The following EXT1 variants were observed in gnomAD, a reference collection of about 807,000 sequenced individuals.
The protein encoded by EXT1 is exostosin-1.
A neutral mutation model predicts 82.5 loss-of-function variants in EXT1; 20 were observed. The ratio of observed to expected loss-of-function variants is 0.24; its 90% CI spans 0.17 to 0.35. EXT1 has a LOEUF of 0.35. Ranked by LOEUF, EXT1 falls within the 10% of genes least tolerant of loss-of-function variation. EXT1 has a pLI of 1.00. For missense variants in EXT1, 757 were observed against 936.5 expected (o/e 0.81, Z 2.50); for synonymous variants, 348 against 350.8 (o/e 0.99, Z 0.09).
chr8:118,036,247 C>T (rs1816417198), intron 1 of EXT1, among the ~76,000 whole-genome samples: 1 of 152,116 alleles, frequency 6.6e-6, no homozygotes, highest in African/African-American at 2.4e-5. Context: ...CCACCGTATT[C>T]CTACATGCTT....
At chr8:117,888,759 C>CAT (rs1813193184) in intron 1 of EXT1, among the ~76,000 whole-genome samples, 1 of 152,190 alleles carries the variant, frequency 6.6e-6, no homozygotes, top group Admixed American at 6.5e-5. Flanking sequence ...ATTTGCCTTC[C>CAT]ATATCATCTC....
intron 1 of EXT1, among the ~76,000 whole-genome samples, chr8:117,957,206 T>G (rs1244856359): frequency 1.3e-5 from 2 of 152,210 alleles, no homozygotes; most frequent in Non-Finnish European, 2.9e-5. Context: ...GAAGATCTCA[T>G]GTGTGTGTTT....
chr8:117,803,416 C>A (rs189869817), intron 10 of EXT1, among the ~76,000 whole-genome samples: 1 of 152,188 alleles, frequency 6.6e-6, no homozygotes, highest in Admixed American at 6.5e-5. Context: ...AGGCTGGTCT[C>A]AAACTCCTGG....
intron 1 of EXT1, among the ~76,000 whole-genome samples, chr8:118,061,827 T>G (rs1194460225): frequency 6.6e-6 from 1 of 152,214 alleles, no homozygotes; most frequent in Non-Finnish European, 1.5e-5. Context: ...TTGCAAAAGA[T>G]TTGTAGATCA....
chr8:117,897,591 CTTT>C (rs34963536), intron 1 of EXT1, among the ~76,000 whole-genome samples: 6 of 90,690 alleles, frequency 6.6e-5, no homozygotes, highest in African/African-American at 8.7e-5. Flanking sequence ...CTTCTTTTCT[CTTT>C]TTTTTTTTTT....
At chr8:117,846,450 T>C (rs934460075) in intron 1 of EXT1, among the ~76,000 whole-genome samples, 3 of 152,194 alleles carry the variant, frequency 2.0e-5, no homozygotes, top group African/African-American at 7.2e-5. Flanking sequence ...TCCAAAACTC[T>C]TCTCAGAGAA....
chr8:117,984,231 G>A (rs1003246371), intron 1 of EXT1, among the ~76,000 whole-genome samples: 4 of 152,024 alleles, frequency 2.6e-5, no homozygotes, highest in South Asian at 2.1e-4. Context: ...CCAGCCTGGC[G>A]AATATGGCAA....
intron 1 of EXT1, among the ~76,000 whole-genome samples, chr8:117,990,429 C>T (rs1197416050): frequency 1.3e-5 from 2 of 152,220 alleles, no homozygotes; most frequent in African/African-American, 4.8e-5. Flanking sequence ...GAAAAGCCAA[C>T]TCAGCTGAAG....
chr8:118,012,766 C>T (rs1815928048), intron 1 of EXT1, among the ~76,000 whole-genome samples: 1 of 152,194 alleles, frequency 6.6e-6, no homozygotes, highest in South Asian at 2.1e-4. Flanking sequence ...TTCAATCTAA[C>T]ATTAACCAAA....
chr8:117,910,060 AC>A (rs949346064), intron 1 of EXT1, among the ~76,000 whole-genome samples: 1 of 152,168 alleles, frequency 6.6e-6, no homozygotes, highest in Non-Finnish European at 1.5e-5. Context: ...AAGCCACCGC[AC>A]CAGCATTAAT....
At chr8:117,973,974 G>GAAGGAAGC (rs1186487651) in intron 1 of EXT1, among the ~76,000 whole-genome samples, 2 of 150,934 alleles carry the variant, frequency 1.3e-5, no homozygotes, top group Non-Finnish European at 3.0e-5. Flanking sequence ...AGGAAGGAAG[G>GAAGGAAGC]AAGGAAGGAA....
intron 1 of EXT1, among the ~76,000 whole-genome samples, chr8:117,971,556 A>G (rs1814940169): frequency 6.6e-6 from 1 of 152,218 alleles, no homozygotes; most frequent in Non-Finnish European, 1.5e-5. Flanking sequence ...TGAGCTTTAT[A>G]TATTAATGAA....
intron 1 of EXT1, among the ~76,000 whole-genome samples, chr8:117,960,619 A>ATTTTTATTATTATTCACCATTATTAT: frequency 6.6e-6 from 1 of 152,308 alleles, no homozygotes; most frequent in African/African-American, 2.4e-5. Context: ...AACTTTCACC[A>ATTTTTATTATTATTCACCATTATTAT]TGCATAATAA....
chr8:117,890,445 G>A (rs562636733), intron 1 of EXT1, among the ~76,000 whole-genome samples: 2 of 152,254 alleles, frequency 1.3e-5, no homozygotes, highest in East Asian at 3.9e-4. Flanking sequence ...CCACAACAAA[G>A]AATTTTCTGG....
chr8:118,100,861 C>T (rs772571767), intron 1 of EXT1, among the ~76,000 whole-genome samples: 1 of 152,192 alleles, frequency 6.6e-6, no homozygotes, highest in East Asian at 1.9e-4. Context: ...CAGGGATCCC[C>T]CTCAACTGCT....
At chr8:117,881,193 G>T (rs1443076581) in intron 1 of EXT1, among the ~76,000 whole-genome samples, 2 of 152,026 alleles carry the variant, frequency 1.3e-5, no homozygotes, top group African/African-American at 4.8e-5. Context: ...GCTTGAACTT[G>T]TTTTATGTAT....
chr8:118,033,567 C>T (rs1816370850), intron 1 of EXT1, among the ~76,000 whole-genome samples: 1 of 152,154 alleles, frequency 6.6e-6, no homozygotes. Flanking sequence ...TAGCCTTGAC[C>T]TCCTGGGCTC....
chr8:117,818,975 T>TA (rs1269348869), intron 6 of EXT1, among the ~76,000 whole-genome samples: 1 of 152,086 alleles, frequency 6.6e-6, no homozygotes, highest in African/African-American at 2.4e-5. Flanking sequence ...GTGGGAGAAA[T>TA]AAAAAAATTC....
At chr8:117,895,156 G>A (rs2129953160) in intron 1 of EXT1, among the ~76,000 whole-genome samples, 1 of 152,252 alleles carries the variant, frequency 6.6e-6, no homozygotes. Flanking sequence ...AAGTTACAGT[G>A]AGTGATTTGA....
Sources: gnomAD v4.1 joint callset for allele counts (sites outside exome capture counted in the v4.1 genomes callset) on GRCh38, gnomAD v4.1.1 for gene constraint, MANE v1.5 for transcripts, NCBI Gene and HGNC (gene_info 2026-07-23, HGNC 2026-07-21) for gene names.